Variants in ABTB2 observed in about 807,000 individuals in gnomAD.
ABTB2 encodes ankyrin repeat and BTB/POZ domain-containing protein 2.
In ABTB2, 56 loss-of-function variants were observed where a neutral mutation model predicts 104.1. The ratio of observed to expected loss-of-function variants is 0.54; its 90% CI spans 0.43 to 0.67. The LOEUF (loss-of-function observed/expected upper bound fraction) is 0.67. Ranked by LOEUF, ABTB2 falls within the 30% of genes least tolerant of loss-of-function variation. The pLI is 0.00. For missense variants in ABTB2, 1,279 were observed against 1,407.7 expected (o/e 0.91, Z 1.46); for synonymous variants, 606 against 608.2 (o/e 1.00, Z 0.05).
At chr11:34,210,849 T>G (rs1853472390) in intron 1 of ABTB2, among the ~76,000 whole-genome samples, 1 of 152,220 alleles carries the variant, frequency 6.6e-6, no homozygotes, top group Admixed American at 6.5e-5. Flanking sequence ...GCGGGAAGCT[T>G]GGGTGGGGTG....
intron 1 of ABTB2, among the ~76,000 whole-genome samples, chr11:34,206,232 T>A (rs966336300): frequency 6.6e-6 from 1 of 151,834 alleles, no homozygotes; most frequent in Non-Finnish European, 1.5e-5. Flanking sequence ...TGGTGGCTAG[T>A]TTTTTCATTT....
chr11:34,209,191 C>T (rs996709804), intron 1 of ABTB2, among the ~76,000 whole-genome samples: 1 of 151,904 alleles, frequency 6.6e-6, no homozygotes, highest in African/African-American at 2.4e-5. Context: ...ACTAAAAATA[C>T]AAAAATTAGC....
intron 1 of ABTB2, among the ~76,000 whole-genome samples, chr11:34,308,958 G>A (rs558579309): frequency 4.6e-5 from 7 of 151,578 alleles, no homozygotes; most frequent in East Asian, 1.9e-4. Flanking sequence ...CTTTGGTCTC[G>A]AAGAATTAAA....
chr11:34,228,731 T>C (rs1853720340), intron 1 of ABTB2, among the ~76,000 whole-genome samples: 1 of 152,108 alleles, frequency 6.6e-6, no homozygotes, highest in Non-Finnish European at 1.5e-5. Flanking sequence ...GACTTCACCA[T>C]TTTACGTTCC....
intron 7 of ABTB2, among the ~76,000 whole-genome samples, chr11:34,166,223 T>C (rs527670539): frequency 1.1e-3 from 160 of 152,346 alleles, no homozygotes; most frequent in South Asian, 2.1e-3. Flanking sequence ...GCCCTTCCCC[T>C]GGATACCAGG....
At chr11:34,204,450 TGGA>T (rs1853381154) in intron 2 of ABTB2, 91 bp downstream of exon 2, 36 of 1,439,136 alleles carry the variant, frequency 2.5e-5, no homozygotes, top group South Asian at 2.8e-5. Context: ...CCAGAGCACT[TGGA>T]GGAGGAGGAG....
At chr11:34,207,206 T>C (rs544931150) in intron 1 of ABTB2, among the ~76,000 whole-genome samples, 3 of 152,362 alleles carry the variant, frequency 2.0e-5, no homozygotes, top group African/African-American at 7.2e-5. Flanking sequence ...TCCTCCTTTC[T>C]CCATTATTAA....
chr11:34,164,800 A>C lies in ABTB2; in HGVS notation c.1874T>G (p.Leu625Trp). ...SAAGNYELVSLLLSRGADPLL... is the reference protein window; with the variant it reads ...SAAGNYELVSWLLSRGADPLL... ...GGGGTCGGCGCCTCGGCTCAGCAACAAACTGACCAGCTCATAGTTCCCTGA... is the reference window on the plus strand; with the variant it reads ...GGGGTCGGCGCCTCGGCTCAGCAACCAACTGACCAGCTCATAGTTCCCTGA... Residue 625 changes from leucine to tryptophan, a missense_variant, in exon 9 of 17, where the codon TTG (leucine) becomes TGG (tryptophan). By Grantham distance (61) the Leu-to-Trp change is moderately conservative. Transcript: ENST00000435224. 2.5e-6 allele frequency: 4 copies of C among 1,585,604 alleles called. No homozygotes were observed. The highest frequency in any genetic ancestry group is 3.4e-6 in the Non-Finnish European group (4 of 1,170,816).
In ABTB2 at chr11:34,154,997, C is replaced by A. The variant is rs1852602552; in HGVS notation, c.2698-228G>T. ...AGTCCCTGCCCGGATAACAGGCTCT[C>A]TCCTTGGAATGTTTTCCCTACAATC... On this transcript the variant is annotated intron_variant, in intron 14 of 16. Transcript: ENST00000435224. This position sits in a 1 kb window ranked among gnomAD's most constrained non-coding sequence, Gnocchi z 4.9. Among the ~76,000 whole-genome samples the A allele has an allele frequency of 6.6e-6, 1 of 152,328 alleles. No homozygotes were observed. The highest frequency in any genetic ancestry group is 2.1e-4 in the South Asian group (1 of 4,826).
At chr11:34,200,703 T>A (rs1853325354) in intron 2 of ABTB2, among the ~76,000 whole-genome samples, 1 of 151,890 alleles carries the variant, frequency 6.6e-6, no homozygotes, top group Non-Finnish European at 1.5e-5. Flanking sequence ...GTGAAGGAGG[T>A]CTTTCTACTC....
chr11:34,340,770 T>C (rs1423017252), intron 1 of ABTB2, among the ~76,000 whole-genome samples: 2 of 152,172 alleles, frequency 1.3e-5, no homozygotes, highest in Non-Finnish European at 2.9e-5. Context: ...TAGATACCAA[T>C]AGGCCAGCTT....
intron 1 of ABTB2, among the ~76,000 whole-genome samples, chr11:34,336,642 C>CAA (rs547285748): frequency 1.4e-5 from 2 of 147,090 alleles, no homozygotes; most frequent in Admixed American, 6.8e-5. Flanking sequence ...GGCCCTGTCT[C>CAA]AAAAAAAAAC....
chr11:34,230,609 A>G (rs190710218), intron 1 of ABTB2, among the ~76,000 whole-genome samples: 1 of 152,198 alleles, frequency 6.6e-6, no homozygotes, highest in East Asian at 1.9e-4. Context: ...CCCTTCCTAA[A>G]GCATCTGTGG....
intron 1 of ABTB2, among the ~76,000 whole-genome samples, chr11:34,208,019 C>T (rs533702452): frequency 3.7e-4 from 56 of 152,366 alleles, no homozygotes; most frequent in Admixed American, 2.6e-3. Flanking sequence ...CTTTGCAGAA[C>T]ACAGTTCCAC....
At chr11:34,192,329 C>T (rs973742010) in intron 3 of ABTB2, among the ~76,000 whole-genome samples, 4 of 152,136 alleles carry the variant, frequency 2.6e-5, no homozygotes, top group African/African-American at 7.2e-5. Flanking sequence ...TCATTGGGTC[C>T]GCATACCTTA....
At position 34,239,236 on chromosome 11, in the gene ABTB2, C is replaced by T. The variant is rs138737991; in HGVS notation, c.884-34546G>A. Among the ~76,000 whole-genome samples, 426 of 152,258 alleles carry T rather than the reference C, an allele frequency of 2.8e-3. 3 individuals are homozygous for T. Among genetic ancestry groups the T allele is most frequent in the East Asian group, 0.015 (77 of 5,178 alleles). On this transcript the variant is annotated intron_variant, in intron 1 of 16. Coordinates refer to ENST00000435224, the MANE Select transcript of ABTB2 (RefSeq NM_145804.3). ...GGATGATTCACTGTCTTGGCCTTTA[C>T]GTAGCGCCTGGGTTTGTGCGCCCAC...
In ABTB2 at chr11:34,252,110, T is replaced by G. The variant is rs1220387238; in HGVS notation, c.884-47420A>C. Among the ~76,000 whole-genome samples, 7 of 152,070 alleles carry G rather than the reference T, an allele frequency of 4.6e-5. No homozygotes were observed. Among genetic ancestry groups the G allele is most frequent in the African/African-American group, 1.7e-4 (7 of 41,396 alleles). Reference sequence around the variant, plus strand: ...TGCAAAACTCACAGCAAGGCCCGGATGGTGGTTCGGAGTTCATGCTCCAGG... The same window carrying G: ...TGCAAAACTCACAGCAAGGCCCGGAGGGTGGTTCGGAGTTCATGCTCCAGG... On this transcript the variant is annotated intron_variant, in intron 1 of 16. Coordinates refer to ENST00000435224, the MANE Select transcript of ABTB2 (RefSeq NM_145804.3). The surrounding 1 kb of genome is among the most constrained non-coding windows in gnomAD (Gnocchi z 5.5).
chr11:34,333,222 G>T (rs1364462384), intron 1 of ABTB2, among the ~76,000 whole-genome samples: 1 of 152,160 alleles, frequency 6.6e-6, no homozygotes, highest in African/African-American at 2.4e-5. Context: ...CAGAATAATA[G>T]TTATGTGGGG....
chr11:34,301,660 C>T (rs1022766649), intron 1 of ABTB2, among the ~76,000 whole-genome samples: 5 of 152,210 alleles, frequency 3.3e-5, no homozygotes, highest in Admixed American at 3.3e-4. Flanking sequence ...TTTCCTCTTG[C>T]TACGGGAGGC....
Sources: allele counts gnomAD v4.1 joint callset (sites outside exome capture counted in the v4.1 genomes callset), GRCh38; gene constraint gnomAD v4.1.1; non-coding constraint Gnocchi (gnomAD v3.1); transcripts MANE v1.5; gene names NCBI Gene and HGNC (gene_info 2026-07-23, HGNC 2026-07-21).